ADAMTS19: variants seen among roughly 807,000 people sequenced by gnomAD.
ADAMTS19 encodes ADAM metallopeptidase with thrombospondin type 1 motif 19.
ADAMTS19 carries 93 observed loss-of-function variants against 153.3 expected under a neutral mutation model. The observed-to-expected ratio is 0.61, with a 90% CI of 0.51 to 0.72. ADAMTS19 has a LOEUF of 0.72. Ranked by LOEUF, ADAMTS19 falls within the 30% of genes least tolerant of loss-of-function variation. The pLI is 0.00. For missense variants in ADAMTS19, 1,482 were observed against 1,552.1 expected (o/e 0.95, Z 0.76); for synonymous variants, 600 against 556.6 (o/e 1.08, Z -1.10).
intron 1 of ADAMTS19, chr5:129,460,755 A>G: frequency 5.3e-6 from 3 of 568,590 alleles, no homozygotes; most frequent in Non-Finnish European, 9.4e-6. Context: ...GGAAAATTAG[A>G]ACGTACCTAA....
intron 2 of ADAMTS19, among the ~76,000 whole-genome samples, chr5:129,478,244 A>G (rs1442881560): frequency 6.6e-6 from 1 of 152,144 alleles, no homozygotes; most frequent in Non-Finnish European, 1.5e-5. Flanking sequence ...TGTAAGGGAA[A>G]CCAATTGTGA....
At chr5:129,729,391 C>T (rs1441889111) in intron 21 of ADAMTS19, among the ~76,000 whole-genome samples, 1 of 151,522 alleles carries the variant, frequency 6.6e-6, no homozygotes, top group Non-Finnish European at 1.5e-5. Context: ...TGTCCATTTT[C>T]CATATATTTG....
intron 11 of ADAMTS19, among the ~76,000 whole-genome samples, chr5:129,647,188 G>A (rs1459321339): frequency 8.4e-6 from 1 of 118,948 alleles, no homozygotes; most frequent in Non-Finnish European, 1.7e-5. Flanking sequence ...TAATGTTAAT[G>A]TTTGAACTTG....
chr5:129,499,750 G>A lies in ADAMTS19; in HGVS notation c.748-9327G>A, dbSNP rs375447793. Among the ~76,000 whole-genome samples, 27 of 152,128 alleles carry A rather than the reference G, an allele frequency of 1.8e-4. No individual in the cohort carries two copies. In the South Asian group the frequency reaches 5.2e-3, roughly 29 times the overall value. On this transcript the variant is annotated intron_variant, in intron 2 of 22. Transcript: ENST00000274487. ...AAAAAACAAAGGGGACATTCATCAG[G>A]GATTGTTTTTGAATATGAATCTAGT... is the stretch of plus-strand genomic sequence containing the variant.
chr5:129,540,773 G>A (rs545976667), intron 6 of ADAMTS19, among the ~76,000 whole-genome samples: 1 of 152,050 alleles, frequency 6.6e-6, no homozygotes, highest in African/African-American at 2.4e-5. Context: ...GGAAATTAAA[G>A]GCTACATTTC....
chr5:129,477,570 A>G (rs1750266673), intron 2 of ADAMTS19, among the ~76,000 whole-genome samples: 1 of 152,248 alleles, frequency 6.6e-6, no homozygotes, highest in Non-Finnish European at 1.5e-5. Flanking sequence ...TTGGAGTAAC[A>G]TACTAAAGCA....
intron 7 of ADAMTS19, among the ~76,000 whole-genome samples, chr5:129,583,110 G>A (rs1029876192): frequency 2.0e-5 from 3 of 152,100 alleles, no homozygotes; most frequent in Non-Finnish European, 2.9e-5. Context: ...GCCTGGTGGT[G>A]ACAAAATCTC....
At chr5:129,562,965 A>T (rs937137465) in intron 7 of ADAMTS19, among the ~76,000 whole-genome samples, 4 of 152,112 alleles carry the variant, frequency 2.6e-5, no homozygotes, top group African/African-American at 9.7e-5. Context: ...TGTACTTGAC[A>T]TATTGTCAAA....
At chr5:129,526,766 A>G (rs947125008) in intron 4 of ADAMTS19, among the ~76,000 whole-genome samples, 3 of 151,346 alleles carry the variant, frequency 2.0e-5, no homozygotes, top group African/African-American at 7.3e-5. Flanking sequence ...CATTTTATGT[A>G]TGTATTTATG....
At chr5:129,571,853 C>T (rs947321228) in intron 7 of ADAMTS19, among the ~76,000 whole-genome samples, 20 of 151,678 alleles carry the variant, frequency 1.3e-4, no homozygotes, top group African/African-American at 4.8e-4. Flanking sequence ...AATAGATCCA[C>T]ACAAATAGGG....
At chr5:129,689,754 G>C (rs544141606) in intron 18 of ADAMTS19, among the ~76,000 whole-genome samples, 277 of 152,062 alleles carry the variant, frequency 1.8e-3, no homozygotes, top group Non-Finnish European at 3.6e-3. Flanking sequence ...TACTATACAT[G>C]TACCAAAATA....
chr5:129,729,115 C>A (rs963275050), intron 21 of ADAMTS19, among the ~76,000 whole-genome samples: 1 of 151,930 alleles, frequency 6.6e-6, no homozygotes, highest in African/African-American at 2.4e-5. Context: ...CCTGAACCTG[C>A]AGCTATGATC....
intron 2 of ADAMTS19, among the ~76,000 whole-genome samples, chr5:129,508,111 A>G (rs1261330701): frequency 6.6e-6 from 1 of 152,002 alleles, no homozygotes; most frequent in Non-Finnish European, 1.5e-5. Flanking sequence ...GAAATGAAAT[A>G]TACATAAAAT....
At chr5:129,468,245 G>A (rs1400683475) in intron 2 of ADAMTS19, among the ~76,000 whole-genome samples, 1 of 152,178 alleles carries the variant, frequency 6.6e-6, no homozygotes, top group Non-Finnish European at 1.5e-5. Flanking sequence ...CTACTTTACA[G>A]TCTCAGACCA....
At position 129,475,598 on chromosome 5, in the gene ADAMTS19, C is replaced by T. The variant is rs1750198831; in HGVS notation, c.747+13841C>T. Among the ~76,000 whole-genome samples the T allele has an allele frequency of 3.9e-5, 6 of 152,206 alleles. No homozygotes were observed. The South Asian group carries it at 1.2e-3, about 32-fold the overall frequency. ...CTGTAATCCCAGCACTTTGGGAGGCCGAGGCAGGCAGATCACTTGGGGTCA... is the reference window on the plus strand; with the variant it reads ...CTGTAATCCCAGCACTTTGGGAGGCTGAGGCAGGCAGATCACTTGGGGTCA... On this transcript the variant is annotated intron_variant, in intron 2 of 22. Transcript: ENST00000274487.
In ADAMTS19 at chr5:129,648,958, G is replaced by A. The variant is rs1278881058; in HGVS notation, c.2164G>A (p.Val722Ile). Residue 722 changes from valine (V) to isoleucine (I), a missense_variant, in exon 13 of 23, where the codon GTC becomes ATC. By Grantham distance (29) the Val-to-Ile change is conservative. Transcript: ENST00000274487. ...AAAGCATATACTTCAGTGGCAAGCT[G>A]TCCTGGATGAAGGTATGACCAACCA... ...SPKHILQWQA[V>I]LDEEKPCALF... is the part of the protein sequence containing the mutation. 4 of 1,602,710 alleles carry A rather than the reference G, an allele frequency of 2.5e-6. No individual in the cohort carries two copies. The highest frequency in any genetic ancestry group is 2.6e-6 in the Non-Finnish European group (3 of 1,171,820).
rs147590678 is a variant in ADAMTS19, at chr5:129,498,712, G to T, written c.748-10365G>T. On this transcript the variant is annotated intron_variant, in intron 2 of 22. Transcript: ENST00000274487. ...ATTTAAGTTCGTTTTCATATGGCAG[G>T]CTCCTTCTTTCACTTTAGTTATTGC... Among the ~76,000 whole-genome samples the T allele has an allele frequency of 1.9e-3, 290 of 151,590 alleles. 2 individuals carry two copies. Among genetic ancestry groups the T allele is most frequent in the African/African-American group, 6.2e-3 (256 of 41,310 alleles).
At chr5:129,724,746 G>A (rs925096512) in intron 21 of ADAMTS19, among the ~76,000 whole-genome samples, 2 of 152,164 alleles carry the variant, frequency 1.3e-5, no homozygotes, top group African/African-American at 4.8e-5. Flanking sequence ...ATGAGGTTGA[G>A]GAGACAGTAT....
rs371554558 is a variant in ADAMTS19, at chr5:129,613,996, A to T, written c.1479-6622A>T. Reference sequence around the variant, plus strand: ...TCAAGACTAAACCAGGAAGAAGTTGAATCTCTGAATAGACCAATAACAGGC... The same window carrying T: ...TCAAGACTAAACCAGGAAGAAGTTGTATCTCTGAATAGACCAATAACAGGC... On this transcript the variant is annotated intron_variant, in intron 8 of 22. Transcript: ENST00000274487. 4.0e-4 allele frequency among the ~76,000 whole-genome samples: 61 copies of T among 152,270 alleles called. 1 individual carries two copies. The South Asian group carries it at 0.012, about 31-fold the overall frequency.
Sources: gnomAD v4.1 joint callset for allele counts (sites outside exome capture counted in the v4.1 genomes callset) on GRCh38, gnomAD v4.1.1 for gene constraint, MANE v1.5 for transcripts, NCBI Gene and HGNC (gene_info 2026-07-23, HGNC 2026-07-21) for gene names.